The following CTNNA2 variants were observed in gnomAD, a reference collection of about 807,000 sequenced individuals.
CTNNA2 encodes the protein catenin alpha-2.
CTNNA2 carries 42 observed loss-of-function variants against 101.0 expected under a neutral mutation model. The ratio of observed to expected loss-of-function variants is 0.42; its 90% CI spans 0.32 to 0.54. The LOEUF is 0.54. Among genes scored for constraint, CTNNA2 ranks in the 20% least tolerant of loss-of-function variants. The pLI is 0.14. For missense variants in CTNNA2, 871 were observed against 1,223.1 expected, an observed-to-expected ratio of 0.71 and a Z score of 4.29; for synonymous variants, 450 against 456.4, an observed-to-expected ratio of 0.99 and a Z score of 0.18.
chr2:79,528,106 A>G (rs1393711039), intron 1 of CTNNA2, among the ~76,000 whole-genome samples: 1 of 152,216 alleles, frequency 6.6e-6, no homozygotes, highest in Non-Finnish European at 1.5e-5. Context: ...AATGTCCAGA[A>G]TTCACCAATC....
chr2:80,557,450 C>T (rs1302361322), intron 12 of CTNNA2, among the ~76,000 whole-genome samples: 1 of 152,136 alleles, frequency 6.6e-6, no homozygotes, highest in Non-Finnish European at 1.5e-5. Context: ...CCCATCAGCT[C>T]TATTCTTGTA....
intron 7 of CTNNA2, among the ~76,000 whole-genome samples, chr2:80,198,440 C>T (rs1281092186): frequency 2.0e-5 from 3 of 152,092 alleles, no homozygotes; most frequent in African/African-American, 7.2e-5. Flanking sequence ...GCTAAGCTCT[C>T]ATAAAATATA....
intron 13 of CTNNA2, among the ~76,000 whole-genome samples, chr2:80,580,465 G>A (rs969676277): frequency 6.6e-5 from 10 of 152,094 alleles, no homozygotes; most frequent in African/African-American, 2.4e-4. Flanking sequence ...AGTATGTTTG[G>A]AGTCAGACAC....
Position 80,014,619 on chromosome 2 carries a change from T to C in CTNNA2, c.1056+104822T>C, listed in dbSNP as rs370416879. On this transcript the variant is annotated intron_variant, in intron 7 of 18. Coordinates refer to ENST00000402739, the MANE Select transcript of CTNNA2 (RefSeq NM_001282597.3). ...GCTTTCTTCACTGACACCCAGACTA[T>C]GCCCTGCACATTCTTTCAAACTTCA... Among the ~76,000 whole-genome samples, 53 of 152,316 alleles carry C rather than the reference T, an allele frequency of 3.5e-4. No homozygotes were observed. In the East Asian group the frequency reaches 5.0e-3, roughly 14 times the overall value.
intron 8 of CTNNA2, among the ~76,000 whole-genome samples, chr2:80,407,941 G>C (rs1228960665): frequency 6.6e-6 from 1 of 152,192 alleles, no homozygotes; most frequent in African/African-American, 2.4e-5. Context: ...GTAAAACAGG[G>C]GAGTGTGGTA....
At chr2:79,422,067 C>T (rs540446329) in intron 4 of CTNNA2, among the ~76,000 whole-genome samples, 43 of 152,152 alleles carry the variant, frequency 2.8e-4, no homozygotes, top group Non-Finnish European at 4.9e-4. Context: ...GCAGGAGAAT[C>T]GCTTGAACCT....
intron 7 of CTNNA2, among the ~76,000 whole-genome samples, chr2:80,143,456 TTTAGCTA>T (rs1703141062): frequency 6.6e-6 from 1 of 152,124 alleles, no homozygotes; most frequent in Admixed American, 6.5e-5. Context: ...AATCCTCTCT[TTTAGCTA>T]TTTTGAAACA....
chr2:80,546,838 A>T (rs78746603), intron 11 of CTNNA2, among the ~76,000 whole-genome samples: 2,320 of 152,248 alleles, frequency 0.015, 61 homozygotes, highest in African/African-American at 0.053. Context: ...TGTGAGGAGG[A>T]GGTCACTGGA....
At chr2:80,199,930 A>G (rs1319827509) in intron 7 of CTNNA2, among the ~76,000 whole-genome samples, 1 of 152,224 alleles carries the variant, frequency 6.6e-6, no homozygotes, top group Non-Finnish European at 1.5e-5. Flanking sequence ...CAGGGAGAGC[A>G]GAGGGCAGGA....
chr2:80,103,890 A>T lies in CTNNA2; in HGVS notation c.1056+194093A>T, dbSNP rs181950649. On this transcript the variant is annotated intron_variant, in intron 7 of 18. Coordinates refer to ENST00000402739, the MANE Select transcript of CTNNA2 (RefSeq NM_001282597.3). ...GCTGGGATTACAGGCGCCTGCCACC[A>T]TGGCGGCTAACTTTTGTATTTTTAG... 3.9e-5 allele frequency among the ~76,000 whole-genome samples: 6 copies of T among 152,220 alleles called. No individual in the cohort carries two copies. In the East Asian group the frequency reaches 1.2e-3, roughly 30 times the overall value.
chr2:80,077,938 A>G, intron 7 of CTNNA2, among the ~76,000 whole-genome samples: 1 of 152,238 alleles, frequency 6.6e-6, no homozygotes, highest in Admixed American at 6.5e-5. Context: ...AGTACATTAT[A>G]TAACTTGCTA....
chr2:80,420,810 A>G (rs1238264049), intron 9 of CTNNA2, among the ~76,000 whole-genome samples: 1 of 152,218 alleles, frequency 6.6e-6, no homozygotes, highest in Admixed American at 6.5e-5. Flanking sequence ...GCCATCATCC[A>G]TGACAGCAGT....
At chr2:79,368,731 G>A (rs1358302693) in intron 3 of CTNNA2, among the ~76,000 whole-genome samples, 1 of 152,116 alleles carries the variant, frequency 6.6e-6, no homozygotes, top group Non-Finnish European at 1.5e-5. Flanking sequence ...ACCCTGAAAT[G>A]GAGCATCCTA....
At chr2:80,608,102 T>C (rs988321145) in intron 16 of CTNNA2, 82 bp from the exon 17 acceptor site, 23 of 1,422,896 alleles carry the variant, frequency 1.6e-5, no homozygotes, top group Middle Eastern at 4.0e-4. Flanking sequence ...CTGAAAACTT[T>C]TCTTCCTGCA....
chr2:79,895,891 A>G (rs1318613265), intron 6 of CTNNA2, among the ~76,000 whole-genome samples: 1 of 152,148 alleles, frequency 6.6e-6, no homozygotes, highest in African/African-American at 2.4e-5. Context: ...TCCACAGACC[A>G]TTGTTTGTTG....
At chr2:80,309,797 T>C (rs1677374478) in intron 7 of CTNNA2, among the ~76,000 whole-genome samples, 1 of 151,304 alleles carries the variant, frequency 6.6e-6, no homozygotes, top group Admixed American at 6.6e-5. Context: ...CGGGTTCAAG[T>C]GATTATCCTG....
intron 6 of CTNNA2, among the ~76,000 whole-genome samples, chr2:79,880,742 A>G (rs1683365243): frequency 6.6e-6 from 1 of 151,936 alleles, no homozygotes; most frequent in South Asian, 2.1e-4. Context: ...TGGTTTATCT[A>G]TTATGTTATT....
chr2:80,345,747 A>G (rs191678549), intron 7 of CTNNA2, among the ~76,000 whole-genome samples: 113 of 152,306 alleles, frequency 7.4e-4, no homozygotes, highest in African/African-American at 2.4e-3. Context: ...GATGAAATCT[A>G]TGGAAACTTT....
intron 7 of CTNNA2, among the ~76,000 whole-genome samples, chr2:79,945,110 T>G (rs1469982809): frequency 6.6e-6 from 1 of 152,162 alleles, no homozygotes; most frequent in African/African-American, 2.4e-5. Flanking sequence ...TGGCACCACC[T>G]TGGCTCACTG....
Sources: allele counts gnomAD v4.1 joint callset (sites outside exome capture counted in the v4.1 genomes callset), GRCh38; gene constraint gnomAD v4.1.1; transcripts MANE v1.5; gene names NCBI Gene and HGNC (gene_info 2026-07-23, HGNC 2026-07-21).